Variants in VTI1A observed in about 807,000 individuals in gnomAD.
VTI1A encodes vesicle transport through interaction with t-SNAREs 1A.
VTI1A carries 22 observed loss-of-function variants against 34.9 expected under a neutral mutation model. The ratio of observed to expected loss-of-function variants is 0.63; its 90% confidence interval spans 0.45 to 0.90. The LOEUF (loss-of-function observed/expected upper bound fraction) is 0.90. Among genes scored for constraint, VTI1A ranks in the 40% least tolerant of loss-of-function variants. The pLI is 0.00. For missense variants in VTI1A, 268 were observed against 275.6 expected (o/e 0.97, Z 0.20); for synonymous variants, 87 against 97.3 (o/e 0.89, Z 0.62).
intron 3 of VTI1A, among the ~76,000 whole-genome samples, chr10:112,475,668 T>C (rs1288720529): frequency 6.6e-6 from 1 of 152,240 alleles, no homozygotes; most frequent in Non-Finnish European, 1.5e-5. Context: ...CTTAAATTAT[T>C]ATCAACTTTG....
the VTI1A span, among the ~76,000 whole-genome samples, chr10:112,851,066 G>T: frequency 6.6e-6 from 1 of 152,210 alleles, no homozygotes; most frequent in Non-Finnish European, 1.5e-5. Context: ...TCACATGGAA[G>T]ATTGGCTTTA....
At chr10:112,756,186 A>C (rs1232839720) in intron 7 of VTI1A, among the ~76,000 whole-genome samples, 1 of 152,180 alleles carries the variant, frequency 6.6e-6, no homozygotes, top group East Asian at 1.9e-4. Context: ...TTGGATGTGG[A>C]ACTAGCTGGT....
intron 7 of VTI1A, among the ~76,000 whole-genome samples, chr10:112,675,382 A>G (rs10885370): frequency 0.25 from 38,710 of 151,996 alleles, 5,518 homozygotes; most frequent in East Asian, 0.54. Context: ...TTGTCCTTCT[A>G]TGAAGACCCA....
intron 7 of VTI1A, among the ~76,000 whole-genome samples, chr10:112,718,883 C>T (rs1849698478): frequency 6.6e-6 from 1 of 152,194 alleles, no homozygotes; most frequent in Non-Finnish European, 1.5e-5. Context: ...TTTAAATGAA[C>T]AGTCGACTGC....
chr10:112,577,102 C>T (rs1190963569), intron 5 of VTI1A, among the ~76,000 whole-genome samples: 1 of 152,122 alleles, frequency 6.6e-6, no homozygotes, highest in Non-Finnish European at 1.5e-5. Context: ...GAACATAAAA[C>T]ATGCCTACAA....
At chr10:112,692,859 C>T (rs1848654201) in intron 7 of VTI1A, among the ~76,000 whole-genome samples, 1 of 152,236 alleles carries the variant, frequency 6.6e-6, no homozygotes, top group African/African-American at 2.4e-5. Flanking sequence ...TGGCGGGTTC[C>T]TTGCCCATCT....
intron 7 of VTI1A, among the ~76,000 whole-genome samples, chr10:112,813,645 A>G (rs1274649859): frequency 1.3e-5 from 2 of 152,354 alleles, no homozygotes; most frequent in East Asian, 1.9e-4. Context: ...TAGCCTCACT[A>G]TCATAAGCCA....
intron 5 of VTI1A, among the ~76,000 whole-genome samples, chr10:112,660,945 A>C (rs958745205): frequency 2.6e-4 from 39 of 152,228 alleles, no homozygotes; most frequent in Admixed American, 1.7e-3. Context: ...ACTTTGAAAG[A>C]ATATAAGAGA....
rs141065021 is a variant in VTI1A, at chr10:112,711,344, A to G, written c.560+42346A>G. On this transcript the variant is annotated intron_variant, in intron 7 of 7. Coordinates refer to ENST00000393077, the MANE Select transcript of VTI1A (RefSeq NM_145206.4). ...CATGGCTTTGCTTACTCTGAGAAAA[A>G]CTTTCTACTGTTAAGGTTCAGGGGC... 3.3e-3 allele frequency among the ~76,000 whole-genome samples: 507 copies of G among 152,232 alleles called. 4 individuals are homozygous for G. The highest frequency in any genetic ancestry group is 0.011 in the African/African-American group (439 of 41,534).
intron 5 of VTI1A, among the ~76,000 whole-genome samples, chr10:112,547,790 A>G (rs1387373040): frequency 1.3e-5 from 2 of 152,164 alleles, no homozygotes; most frequent in African/African-American, 4.8e-5. Flanking sequence ...TTATTTTTAG[A>G]TTATAGCGTT....
intron 5 of VTI1A, among the ~76,000 whole-genome samples, chr10:112,553,189 C>T: frequency 6.6e-6 from 1 of 152,150 alleles, no homozygotes; most frequent in East Asian, 1.9e-4. Context: ...ATCCAAGTGC[C>T]AAGTCAGGTC....
chr10:112,552,609 A>T lies in VTI1A; in HGVS notation c.427+14279A>T, dbSNP rs562246294. Among the ~76,000 whole-genome samples, 377 of 115,822 alleles carry T rather than the reference A, an allele frequency of 3.3e-3. 4 individuals are homozygous for T. Among genetic ancestry groups the T allele is most frequent in the African/African-American group, 0.016 (339 of 21,422 alleles). 76.0% of individuals were successfully genotyped at this position (115,822 alleles called of 152,430 possible). A position where few individuals can be genotyped will look rare whatever the true frequency, so the allele number is the denominator to read the frequency against. ...TTGTTACTGTAAAAAGAGACCTTTTAAAAAAAAAAAAACCATTGACTCTAA... is the reference window on the plus strand; with the variant it reads ...TTGTTACTGTAAAAAGAGACCTTTTTAAAAAAAAAAAACCATTGACTCTAA... On this transcript the variant is annotated intron_variant, in intron 5 of 7. Coordinates refer to ENST00000393077, the MANE Select transcript of VTI1A (RefSeq NM_145206.4).
chr10:112,508,316 A>G (rs1245434973), intron 3 of VTI1A, among the ~76,000 whole-genome samples: 1 of 151,826 alleles, frequency 6.6e-6, no homozygotes, highest in Non-Finnish European at 1.5e-5. Context: ...AGCACTCTTT[A>G]TTTTTCATGC....
intron 5 of VTI1A, among the ~76,000 whole-genome samples, chr10:112,625,134 G>T (rs918225018): frequency 6.6e-6 from 1 of 152,144 alleles, no homozygotes; most frequent in African/African-American, 2.4e-5. Flanking sequence ...TAAAGTAAGC[G>T]CTGAATACAT....
Position 112,610,783 on chromosome 10 carries a change from G to A in VTI1A, c.428-57435G>A, listed in dbSNP as rs558027879. Among the ~76,000 whole-genome samples the A allele has an allele frequency of 4.6e-5, 7 of 152,304 alleles. No homozygotes were observed. In the East Asian group the frequency reaches 1.2e-3, roughly 25 times the overall value. On this transcript the variant is annotated intron_variant, in intron 5 of 7. Transcript: ENST00000393077. ...TACACAAAAAAACTAGCCAGGCGCG[G>A]TGGCGGGCGCCTGTAGTCCCAGCAA... is the stretch of plus-strand genomic sequence containing the variant.
chr10:112,535,268 C>T (rs1173408775), intron 4 of VTI1A, among the ~76,000 whole-genome samples: 1 of 152,114 alleles, frequency 6.6e-6, no homozygotes, highest in Admixed American at 6.5e-5. Context: ...ATTCTTTTAA[C>T]AGTCTTTGAT....
At chr10:112,449,261 G>A (rs1018604452) in intron 1 of VTI1A, 2 of 152,182 alleles carry the variant, frequency 1.3e-5, no homozygotes, top group Non-Finnish European at 1.5e-5. Flanking sequence ...AATTGTAATT[G>A]TTTTAGCAGT....
intron 7 of VTI1A, among the ~76,000 whole-genome samples, chr10:112,761,731 C>G (rs1031536780): frequency 6.6e-6 from 1 of 151,584 alleles, no homozygotes. Context: ...AGTGCTTGTT[C>G]TCTTTCCCTC....
intron 7 of VTI1A, among the ~76,000 whole-genome samples, chr10:112,763,256 C>T (rs970629992): frequency 2.0e-5 from 3 of 151,930 alleles, no homozygotes; most frequent in East Asian, 3.9e-4. Context: ...CTGGCTAACA[C>T]GGTGAAACCC....
Sources: gnomAD v4.1 joint callset for allele counts (sites outside exome capture counted in the v4.1 genomes callset) on GRCh38, gnomAD v4.1.1 for gene constraint, MANE v1.5 for transcripts, NCBI Gene and HGNC (gene_info 2026-07-23, HGNC 2026-07-21) for gene names.